Variants in CCL28 observed in about 807,000 individuals in gnomAD.
CCL28 encodes the protein C-C motif chemokine 28.
CCL28 carries 4 observed loss-of-function variants against 7.1 expected under a neutral mutation model. The ratio of observed to expected loss-of-function variants is 0.56; its 90% CI spans 0.28 to 1.29. The LOEUF is 1.29. CCL28 is among the 50% of genes most tolerant of loss of function. The pLI is 0.11. For synonymous variants in CCL28, 55 were observed against 57.8 expected (o/e 0.95, Z 0.22); for missense variants, 151 against 163.4 (o/e 0.92, Z 0.41).
At chr5:43,402,555 T>C (rs1193764024) in intron 1 of CCL28, among the ~76,000 whole-genome samples, 1 of 152,202 alleles carries the variant, frequency 6.6e-6, no homozygotes, top group African/African-American at 2.4e-5. Context: ...GGTTCCAAGA[T>C]GGCCGAATAG....
chr5:43,395,700 A>C (rs1408176208), intron 1 of CCL28, among the ~76,000 whole-genome samples: 1 of 152,104 alleles, frequency 6.6e-6, no homozygotes, highest in Non-Finnish European at 1.5e-5. Context: ...GCCAGTCCGC[A>C]GTGCAAAGTG....
intron 1 of CCL28, among the ~76,000 whole-genome samples, chr5:43,410,443 T>TAAAG (rs1561170952): frequency 6.6e-6 from 1 of 152,216 alleles, no homozygotes; most frequent in East Asian, 1.9e-4. Flanking sequence ...CTGCCTTAGG[T>TAAAG]AAAGCATCGA....
the CCL28 span, among the ~76,000 whole-genome samples, chr5:43,357,117 C>T: frequency 3.9e-5 from 6 of 152,130 alleles, no homozygotes; most frequent in Admixed American, 3.3e-4. Context: ...ATTCTAGGAC[C>T]CAGAATGGAA....
chr5:43,377,750 T>TTTTTTTTTTTG (rs1561151422), downstream of CCL28, among the ~76,000 whole-genome samples: 1 of 126,734 alleles, frequency 7.9e-6, no homozygotes, highest in Non-Finnish European at 1.6e-5. Context: ...TTTTTTTTTT[T>TTTTTTTTTTTG]GAGACGGAGT....
intron 2 of CCL28, 115 bp downstream of exon 2, chr5:43,388,231 CCCTT>C: frequency 7.7e-7 from 1 of 1,290,728 alleles, no homozygotes; most frequent in Non-Finnish European, 1.1e-6. Flanking sequence ...ACTCTTCCCT[CCCTT>C]GTTTGGATGA....
chr5:43,357,253 T>C, the CCL28 span, among the ~76,000 whole-genome samples: 3 of 152,218 alleles, frequency 2.0e-5, no homozygotes, highest in African/African-American at 7.2e-5. Context: ...AAGTTAGTCA[T>C]GTGGTCAAGT....
At position 43,381,960 on chromosome 5, in the gene CCL28, T is replaced by C; in HGVS notation, c.284A>G (p.Lys95Arg). ...MKVQAAKKNGKGNVCHRKKHH... is the reference protein window; with the variant it reads ...MKVQAAKKNGRGNVCHRKKHH... Reference sequence around the variant, plus strand: ...TTTCTTCCTGTGGCAAACATTTCCTTTACCATTTTTCTTGGCAGCTTGCAC... The same window carrying C: ...TTTCTTCCTGTGGCAAACATTTCCTCTACCATTTTTCTTGGCAGCTTGCAC... The change falls in exon 3 of 3, where the codon AAA becomes AGA. Residue 95 changes from lysine to arginine, a missense_variant. Lys to Arg is a conservative substitution (Grantham distance 26, BLOSUM62 2). Transcript: ENST00000361115. The C allele has an allele frequency of 1.2e-6, 2 of 1,614,206 alleles. No individual in the cohort carries two copies. The highest frequency in any genetic ancestry group is 1.7e-6 in the Non-Finnish European group (2 of 1,180,032).
At chr5:43,410,282 G>C (rs1579759046) in intron 1 of CCL28, among the ~76,000 whole-genome samples, 1 of 152,324 alleles carries the variant, frequency 6.6e-6, no homozygotes, top group South Asian at 2.1e-4. Context: ...ATGGACACTT[G>C]AGTGGAAGTT....
intron 1 of CCL28, among the ~76,000 whole-genome samples, chr5:43,407,773 A>T (rs1741353622): frequency 6.6e-6 from 1 of 152,256 alleles, no homozygotes; most frequent in African/African-American, 2.4e-5. Context: ...TCCAGAATCT[A>T]CAAAGAACTT....
chr5:43,370,626 G>A, the CCL28 span, among the ~76,000 whole-genome samples: 1 of 151,804 alleles, frequency 6.6e-6, no homozygotes, highest in Non-Finnish European at 1.5e-5. Flanking sequence ...TGGGTCACTG[G>A]GCCACTGGGC....
the CCL28 span, among the ~76,000 whole-genome samples, chr5:43,367,717 G>A: frequency 5.3e-5 from 8 of 152,216 alleles, no homozygotes; most frequent in Admixed American, 3.9e-4. Flanking sequence ...ACCAATCCCA[G>A]TGAGGTGAGC....
chr5:43,411,538 C>A (rs1741536307), intron 1 of CCL28, among the ~76,000 whole-genome samples: 1 of 152,108 alleles, frequency 6.6e-6, no homozygotes, highest in Non-Finnish European at 1.5e-5. Flanking sequence ...CCCCTCCCCT[C>A]CCCTCTTTTT....
Position 43,387,742 on chromosome 5 carries a change from C to T in CCL28, c.191+608G>A, listed in dbSNP as rs567981412. On this transcript the variant is annotated intron_variant, in intron 2 of 2. Transcript: ENST00000361115. ...ACTGGGCTCAACGATCCTCCCATCA[C>T]AGCCTCCCAAGTAGCTGGGACTACA... Among the ~76,000 whole-genome samples, 6 of 152,320 alleles carry T rather than the reference C, an allele frequency of 3.9e-5. No homozygotes were observed. In the South Asian group the frequency reaches 1.2e-3, roughly 32 times the overall value.
At chr5:43,404,597 C>T (rs1741188797) in intron 1 of CCL28, among the ~76,000 whole-genome samples, 1 of 152,168 alleles carries the variant, frequency 6.6e-6, no homozygotes, top group African/African-American at 2.4e-5. Context: ...GAAACTGCAT[C>T]AACTAACGGG....
At chr5:43,378,939 G>C (rs1739996371), downstream of CCL28, among the ~76,000 whole-genome samples, 1 of 151,974 alleles carries the variant, frequency 6.6e-6, no homozygotes, top group African/African-American at 2.4e-5. Context: ...CCAGCCTGGT[G>C]ACAGAGCAAG....
intron 1 of CCL28, among the ~76,000 whole-genome samples, chr5:43,395,500 G>C (rs974642919): frequency 6.6e-6 from 1 of 152,016 alleles, no homozygotes; most frequent in Admixed American, 6.6e-5. Flanking sequence ...AACATAGTGA[G>C]ACCCTGTCTC....
Position 43,388,457 on chromosome 5 carries a change from G to C in CCL28, c.84C>G (p.Ser28=). ...GATGTGAAACCTCCGTGCAACAGCT[G>C]GAGGCAATGGGAAGTATGGCTAAAA... is the stretch of plus-strand genomic sequence containing the variant. The part of the protein sequence containing the change: ...HASEAILPIA[S]SCCTEVSHHI... Residue 28 remains serine, a synonymous_variant, in exon 2 of 3, where the codon TCC becomes TCG. Coordinates refer to ENST00000361115, the MANE Select transcript of CCL28 (RefSeq NM_148672.3). 1.9e-6 allele frequency: 3 copies of C among 1,613,960 alleles called. No homozygotes were observed. The highest frequency in any genetic ancestry group is 2.5e-6 in the Non-Finnish European group (3 of 1,179,990).
downstream of CCL28, chr5:43,377,473 T>A (rs1398330038): frequency 1.3e-4 from 16 of 120,338 alleles, 1 homozygote; most frequent in African/African-American, 5.5e-4. Flanking sequence ...GCCTGTGTGA[T>A]AGAGTGAGAC....
downstream of CCL28, among the ~76,000 whole-genome samples, chr5:43,375,121 C>G (rs1014650198): frequency 2.6e-5 from 4 of 151,894 alleles, no homozygotes; most frequent in African/African-American, 7.3e-5. Flanking sequence ...TCCCGAGTAG[C>G]TGGGATTACA....
Sources: gnomAD v4.1 joint callset for allele counts (sites outside exome capture counted in the v4.1 genomes callset) on GRCh38, gnomAD v4.1.1 for gene constraint, MANE v1.5 for transcripts, NCBI Gene and HGNC (gene_info 2026-07-23, HGNC 2026-07-21) for gene names.